Variants in TPO observed in about 807,000 individuals in gnomAD.
TPO encodes thyroid peroxidase.
A neutral mutation model predicts 96.9 loss-of-function variants in TPO; 78 were observed. The observed-to-expected ratio is 0.81, with a 90% CI of 0.67 to 0.97. TPO has a LOEUF of 0.97. Ranked by LOEUF, TPO falls within the 50% of genes least tolerant of loss-of-function variation. TPO has a pLI of 0.00. For synonymous variants in TPO, 547 were observed against 538.0 expected (o/e 1.02, Z -0.23); for missense variants, 1,252 against 1,274.8 (o/e 0.98, Z 0.27).
intron 15 of TPO, among the ~76,000 whole-genome samples, chr2:1,535,321 C>G (rs1480630613): frequency 1.6e-4 from 3 of 18,868 alleles, no homozygotes; most frequent in Non-Finnish European, 2.4e-4. Context: ...GCAACCTCCT[C>G]AAATCCCCCC....
At chr2:1,498,544 CT>C (rs1672577605) in intron 13 of TPO, among the ~76,000 whole-genome samples, 1 of 152,216 alleles carries the variant, frequency 6.6e-6, no homozygotes. Flanking sequence ...TCTGTTTAAA[CT>C]GTTAATTGCA....
intron 8 of TPO, among the ~76,000 whole-genome samples, chr2:1,482,771 C>A (rs1259610749): frequency 6.6e-6 from 1 of 152,174 alleles, no homozygotes; most frequent in Non-Finnish European, 1.5e-5. Context: ...ACCTCCTGGG[C>A]TCAAGCAATC....
chr2:1,402,263 C>T (rs961475567), intron 1 of TPO, among the ~76,000 whole-genome samples: 2 of 152,188 alleles, frequency 1.3e-5, no homozygotes, highest in African/African-American at 4.8e-5. Flanking sequence ...CGGGAGGACT[C>T]CCTGACTCTG....
At chr2:1,405,734 A>G (rs1346621536) in intron 1 of TPO, among the ~76,000 whole-genome samples, 1 of 151,918 alleles carries the variant, frequency 6.6e-6, no homozygotes, top group Non-Finnish European at 1.5e-5. Context: ...CTCAACTATA[A>G]CTTTTACAAA....
chr2:1,440,200 A>G (rs1026477546), intron 5 of TPO, among the ~76,000 whole-genome samples: 1 of 150,804 alleles, frequency 6.6e-6, no homozygotes, highest in Non-Finnish European at 1.5e-5. Flanking sequence ...CATTTCCTGC[A>G]TTCCAAAGCG....
At chr2:1,440,579 A>G (rs972471961) in intron 5 of TPO, among the ~76,000 whole-genome samples, 1 of 152,064 alleles carries the variant, frequency 6.6e-6, no homozygotes, top group East Asian at 1.9e-4. Context: ...TGGTGTAGCT[A>G]ATGCCACACC....
At chr2:1,444,410 A>G (rs1448220490) in intron 5 of TPO, among the ~76,000 whole-genome samples, 2 of 147,836 alleles carry the variant, frequency 1.4e-5, no homozygotes, top group African/African-American at 2.5e-5. Flanking sequence ...TCATTGCTGC[A>G]GGAGGTACCA....
In TPO at chr2:1,540,702, C is replaced by T. The variant is rs765076528; in HGVS notation, c.2727C>T (p.Ala909=). ...HQAVGTSPQR[A]AAQDSEQESA... is the part of the protein sequence containing the mutation. ...CCGTAGGGACCTCACCGCAGCGGGC[C>T]GCAGCTCAGGACTCGGAGCAGGTGG... The change falls in exon 16 of 17, where the codon GCC becomes GCT. Residue 909 remains alanine, a synonymous_variant. Coordinates refer to ENST00000329066, the MANE Select transcript of TPO (RefSeq NM_001206744.2). 31 of 1,613,266 alleles carry T rather than the reference C, an allele frequency of 1.9e-5. No homozygotes were observed. The South Asian group carries it at 2.7e-4, about 14-fold the overall frequency.
At position 1,478,449 on chromosome 2, in the gene TPO, T is replaced by A. The variant is rs1349321853; in HGVS notation, c.1338+845T>A. 15 of 967,982 alleles carry A rather than the reference T, an allele frequency of 1.5e-5. No individual in the cohort carries two copies. In the African/African-American group the frequency reaches 2.3e-4, roughly 15 times the overall value. 60.0% of individuals were successfully genotyped at this position (967,982 alleles called of 1,614,324 possible). ...TTCTAAAGGAGGCACTGGAGCCTTG[T>A]CCGAGGAGGCACAGGGGCTGTGTGT... On this transcript the variant is annotated intron_variant, in intron 8 of 16. Coordinates refer to ENST00000329066, the MANE Select transcript of TPO (RefSeq NM_001206744.2).
At chr2:1,507,423 A>G (rs1320381125) in intron 14 of TPO, among the ~76,000 whole-genome samples, 6 of 152,232 alleles carry the variant, frequency 3.9e-5, no homozygotes, top group Non-Finnish European at 5.9e-5. Flanking sequence ...CTGTGAAGAA[A>G]GTCATTGGTA....
intron 16 of TPO, chr2:1,542,175 G>A: frequency 1.7e-6 from 1 of 599,862 alleles, no homozygotes; most frequent in East Asian, 2.8e-5. Context: ...CCTGCGGATT[G>A]CAGATCCCAC....
chr2:1,374,328 G>C (rs964880327), exon 1 of TPO: 1 of 152,226 alleles, frequency 6.6e-6, no homozygotes, highest in Non-Finnish European at 1.5e-5. Flanking sequence ...GCCTCACCGT[G>C]AGACACCGGG....
intron 7 of TPO, among the ~76,000 whole-genome samples, chr2:1,476,128 G>T (rs28910592): frequency 1.3e-5 from 2 of 152,194 alleles, no homozygotes; most frequent in Admixed American, 6.5e-5. Context: ...ACTTTGCCCC[G>T]AGAGGAGCTT....
chr2:1,422,344 C>CGACCTCGTGCAGGCGCCTCTCCTGGACA (rs1663732746), intron 2 of TPO, among the ~76,000 whole-genome samples: 2 of 77,520 alleles, frequency 2.6e-5, no homozygotes, highest in African/African-American at 4.7e-5. Flanking sequence ...TCTCCTGGAC[C>CGACCTCGTGCAGGCGCCTCTCCTGGACA]GACCTCGTGC....
At chr2:1,414,564 A>C in intron 2 of TPO, 62 bp downstream of exon 2, 1 of 1,485,468 alleles carries the variant, frequency 6.7e-7, no homozygotes, top group Non-Finnish European at 9.3e-7. Flanking sequence ...ACTTACTAAA[A>C]TAGAGGGCAT....
chr2:1,540,861 C>G (rs758579196), intron 16 of TPO, 138 bp downstream of exon 16: 1 of 1,556,754 alleles, frequency 6.4e-7, no homozygotes, highest in East Asian at 2.4e-5. Context: ...CACCTTCCTC[C>G]GGGAGGTTTT....
intron 6 of TPO, among the ~76,000 whole-genome samples, chr2:1,455,056 C>T (rs904404980): frequency 1.3e-5 from 2 of 152,192 alleles, no homozygotes; most frequent in African/African-American, 4.8e-5. Flanking sequence ...GAGGTGCCTG[C>T]ATCCCCTGGC....
chr2:1,388,618 C>T (rs1479666529), intron 1 of TPO, among the ~76,000 whole-genome samples: 1 of 152,180 alleles, frequency 6.6e-6, no homozygotes, highest in East Asian at 1.9e-4. Flanking sequence ...CACAGCTTTG[C>T]TTGGCTATGA....
At chr2:1,516,466 G>A (rs979205690) in intron 14 of TPO, among the ~76,000 whole-genome samples, 6 of 152,136 alleles carry the variant, frequency 3.9e-5, no homozygotes, top group African/African-American at 7.2e-5. Flanking sequence ...GCGTTATACC[G>A]CGTCCCTTAC....
Sources: gnomAD v4.1 joint callset for allele counts (sites outside exome capture counted in the v4.1 genomes callset) on GRCh38, gnomAD v4.1.1 for gene constraint, MANE v1.5 for transcripts, NCBI Gene and HGNC (gene_info 2026-07-23, HGNC 2026-07-21) for gene names.